TG: variants seen among roughly 807,000 people sequenced by gnomAD.
TG encodes the protein thyroid hormones.
A neutral mutation model predicts 324.7 loss-of-function variants in TG; 270 were observed. The ratio of observed to expected loss-of-function variants is 0.83; its 90% confidence interval spans 0.75 to 0.92. The LOEUF (loss-of-function observed/expected upper bound fraction) is 0.92. Ranked by LOEUF, TG falls within the 40% of genes least tolerant of loss-of-function variation. TG has a pLI of 0.00. For missense variants in TG, 3,591 were observed against 3,456.4 expected (o/e 1.04, Z -0.98); for synonymous variants, 1,401 against 1,327.0 (o/e 1.06, Z -1.21).
At position 133,017,787 on chromosome 8, in the gene TG, T is replaced by G; in HGVS notation, c.6572T>G (p.Leu2191Arg). 6.8e-6 allele frequency: 11 copies of G among 1,614,208 alleles called. No individual in the cohort carries two copies. The highest frequency in any genetic ancestry group is 1.6e-4 in the Middle Eastern group (1 of 6,062). The change falls in exon 38 of 48, where the codon CTG becomes CGG. Residue 2191 changes from leucine (L) to arginine (R), a missense_variant. Transcript: ENST00000220616. ...THIYRKPGIS[L>R]LSYEASVPSV... ...TTCCCTTTCCCAACAGGAATCTCTCTGCTCAGCTATGAGGCATCTGTACCT... is the reference window on the plus strand; with the variant it reads ...TTCCCTTTCCCAACAGGAATCTCTCGGCTCAGCTATGAGGCATCTGTACCT...
At chr8:133,103,933 A>G (rs1428604533) in intron 43 of TG, among the ~76,000 whole-genome samples, 2 of 152,210 alleles carry the variant, frequency 1.3e-5, no homozygotes, top group African/African-American at 4.8e-5. Context: ...AGAATTTCAG[A>G]TCTTAGAAAT....
intron 35 of TG, 76 bp from the exon 36 acceptor site, chr8:133,011,825 A>G: frequency 1.9e-6 from 3 of 1,604,282 alleles, no homozygotes; most frequent in South Asian, 1.1e-5. Context: ...CTTTGGGGAT[A>G]TTGGGTAATA....
chr8:133,124,515 T>G (rs1851376688), intron 45 of TG, among the ~76,000 whole-genome samples: 1 of 152,204 alleles, frequency 6.6e-6, no homozygotes, highest in African/African-American at 2.4e-5. Context: ...TATCTACCAT[T>G]TATTAGCTGT....
At chr8:132,967,134 C>T (rs1485092522) in intron 30 of TG, among the ~76,000 whole-genome samples, 1 of 149,442 alleles carries the variant, frequency 6.7e-6, no homozygotes, top group Non-Finnish European at 1.5e-5. Context: ...TCCATCCATC[C>T]ATCCATCCAT....
At chr8:132,939,893 C>T (rs1824187388) in intron 25 of TG, among the ~76,000 whole-genome samples, 1 of 152,152 alleles carries the variant, frequency 6.6e-6, no homozygotes, top group East Asian at 1.9e-4. Context: ...CCCGGCTAGT[C>T]TTGAACTCCT....
intron 35 of TG, among the ~76,000 whole-genome samples, chr8:132,993,850 A>C (rs1483701671): frequency 6.6e-6 from 1 of 152,266 alleles, no homozygotes; most frequent in East Asian, 1.9e-4. Flanking sequence ...ATGTCAACAG[A>C]AAACCTACCA....
At chr8:132,949,646 G>A (rs895766507) in intron 27 of TG, among the ~76,000 whole-genome samples, 1 of 152,100 alleles carries the variant, frequency 6.6e-6, no homozygotes, top group African/African-American at 2.4e-5. Context: ...TGGGTGCAGG[G>A]GACCATGGGC....
At chr8:132,954,028 C>A (rs1278627204) in intron 27 of TG, among the ~76,000 whole-genome samples, 1 of 151,376 alleles carries the variant, frequency 6.6e-6, no homozygotes, top group Admixed American at 6.6e-5. Context: ...AGAAATACTA[C>A]TGGGTTCATC....
At chr8:132,928,848 C>T (rs1488517825) in intron 22 of TG, among the ~76,000 whole-genome samples, 9 of 152,142 alleles carry the variant, frequency 5.9e-5, no homozygotes, top group Admixed American at 1.3e-4. Context: ...CGCCTCACTT[C>T]GTGACAATGA....
At position 133,015,029 on chromosome 8, in the gene TG, T is replaced by A. The variant is rs956002448; in HGVS notation, c.6562+1265T>A. ...CTGGGAATACAGGTGCATGCCATGATGCCCAGCTAATTTTTCTATTTTTAA... is the reference window on the plus strand; with the variant it reads ...CTGGGAATACAGGTGCATGCCATGAAGCCCAGCTAATTTTTCTATTTTTAA... On this transcript the variant is annotated intron_variant, in intron 37 of 47. Transcript: ENST00000220616. Among the ~76,000 whole-genome samples the A allele has an allele frequency of 7.2e-5, 11 of 152,302 alleles. 1 individual carries two copies. In the East Asian group the frequency reaches 1.7e-3, roughly 24 times the overall value.
At chr8:132,933,762 G>A in intron 24 of TG, 86 bp downstream of exon 24, 1 of 1,230,988 alleles carries the variant, frequency 8.1e-7, no homozygotes, top group South Asian at 1.2e-5. Flanking sequence ...GGCTGGCCAG[G>A]CGATGGAATG....
chr8:132,950,245 G>T (rs944696504), intron 27 of TG, among the ~76,000 whole-genome samples: 1 of 152,204 alleles, frequency 6.6e-6, no homozygotes, highest in Non-Finnish European at 1.5e-5. Context: ...AACCTGAACT[G>T]GGAAAGCACC....
chr8:132,987,789 C>A (rs1380956573), intron 35 of TG, among the ~76,000 whole-genome samples: 1 of 151,676 alleles, frequency 6.6e-6, no homozygotes, highest in Non-Finnish European at 1.5e-5. Context: ...AGAAAGAATT[C>A]TTTGCATATG....
chr8:133,126,030 A>G (rs1851491865), intron 45 of TG, among the ~76,000 whole-genome samples: 2 of 152,258 alleles, frequency 1.3e-5, no homozygotes, highest in Non-Finnish European at 2.9e-5. Flanking sequence ...ATCAAATGCG[A>G]TGGTCAGTTA....
intron 23 of TG, among the ~76,000 whole-genome samples, chr8:132,932,663 A>G (rs1822891723): frequency 6.6e-6 from 1 of 152,224 alleles, no homozygotes; most frequent in African/African-American, 2.4e-5. Flanking sequence ...AATATTACAC[A>G]GTTGAATGCT....
In TG at chr8:132,972,761, C is replaced by T. The variant is rs1404517552; in HGVS notation, c.6199+20C>T. On this transcript the variant is annotated intron_variant, in intron 34 of 47. Transcript: ENST00000220616. ...AGCCCAGTAAGTACCCTTCTCATGACAGCTATATGGACGTCTTTAGTTAAC... is the reference window on the plus strand; with the variant it reads ...AGCCCAGTAAGTACCCTTCTCATGATAGCTATATGGACGTCTTTAGTTAAC... 5 of 1,613,960 alleles carry T rather than the reference C, an allele frequency of 3.1e-6. No individual in the cohort carries two copies. The highest frequency in any genetic ancestry group is 4.2e-6 in the Non-Finnish European group (5 of 1,179,914).
At chr8:132,988,000 C>T (rs1341978987) in intron 35 of TG, among the ~76,000 whole-genome samples, 1 of 151,334 alleles carries the variant, frequency 6.6e-6, no homozygotes. Flanking sequence ...CCCCACTGAC[C>T]AGTCGGGGGA....
At chr8:133,035,200 C>A (rs1008013460) in intron 41 of TG, among the ~76,000 whole-genome samples, 2 of 152,156 alleles carry the variant, frequency 1.3e-5, no homozygotes, top group Non-Finnish European at 2.9e-5. Flanking sequence ...ATCAGCTACA[C>A]CCATGAAATT....
Position 132,952,578 on chromosome 8 carries a change from A to G in TG, c.5401+3635A>G, listed in dbSNP as rs187700908. 6.3e-4 allele frequency among the ~76,000 whole-genome samples: 96 copies of G among 152,308 alleles called. 1 individual carries two copies. The highest frequency in any genetic ancestry group is 5.0e-3 in the Admixed American group (76 of 15,292). On this transcript the variant is annotated intron_variant, in intron 27 of 47. Transcript: ENST00000220616. ...ATCAATTCACGGGTACTATCAGGCTATGGTTCAACACATGATCTGGGTAAT... is the reference window on the plus strand; with the variant it reads ...ATCAATTCACGGGTACTATCAGGCTGTGGTTCAACACATGATCTGGGTAAT...
Sources: allele counts gnomAD v4.1 joint callset (sites outside exome capture counted in the v4.1 genomes callset), GRCh38; gene constraint gnomAD v4.1.1; transcripts MANE v1.5; gene names NCBI Gene and HGNC (gene_info 2026-07-23, HGNC 2026-07-21).